Variants in ATP10B observed in about 807,000 individuals in gnomAD.
ATP10B encodes the protein ATPase phospholipid transporting 10B (putative).
A neutral mutation model predicts 141.2 loss-of-function variants in ATP10B; 122 were observed. The ratio of observed to expected loss-of-function variants is 0.86; its 90% CI spans 0.75 to 1.00. The LOEUF is 1.00. Ranked by LOEUF, ATP10B falls within the 50% of genes least tolerant of loss-of-function variation. The probability of loss-of-function intolerance (pLI) is 0.00; values close to 1 mark genes in which losing one functional copy is unlikely to be tolerated. For synonymous variants in ATP10B, 685 were observed against 692.0 expected (o/e 0.99, Z 0.16); for missense variants, 1,876 against 1,825.3 (o/e 1.03, Z -0.51).
chr5:160,918,689 G>C, the ATP10B span, among the ~76,000 whole-genome samples: 5 of 152,188 alleles, frequency 3.3e-5, no homozygotes, highest in Non-Finnish European at 7.3e-5. Flanking sequence ...GAGAGGTTGG[G>C]TTGGATCATC....
At chr5:160,592,438 G>A (rs570250519) in intron 22 of ATP10B, among the ~76,000 whole-genome samples, 2 of 152,312 alleles carry the variant, frequency 1.3e-5, no homozygotes, top group East Asian at 3.9e-4. Flanking sequence ...GGGCAGCCAA[G>A]ATGGCCAAAT....
chr5:160,925,805 T>C, the ATP10B span, among the ~76,000 whole-genome samples: 4 of 152,360 alleles, frequency 2.6e-5, no homozygotes, highest in African/African-American at 7.2e-5. Flanking sequence ...GCCATGAAAT[T>C]AGGAAAATAG....
chr5:160,926,088 T>C, the ATP10B span, among the ~76,000 whole-genome samples: 1 of 152,356 alleles, frequency 6.6e-6, no homozygotes, highest in Non-Finnish European at 1.5e-5. Context: ...TACCACCTGG[T>C]GACCTTGGAA....
chr5:160,629,793 G>A (rs1758817289), intron 13 of ATP10B, among the ~76,000 whole-genome samples: 1 of 152,192 alleles, frequency 6.6e-6, no homozygotes, highest in African/African-American at 2.4e-5. Flanking sequence ...CACAGAGCTA[G>A]TACATGGGGT....
At chr5:160,745,134 T>G (rs1476119909) in intron 2 of ATP10B, among the ~76,000 whole-genome samples, 1 of 152,278 alleles carries the variant, frequency 6.6e-6, no homozygotes, top group South Asian at 2.1e-4. Context: ...TTGCTGCTGC[T>G]ATTATTACCA....
intron 10 of ATP10B, 50 bp downstream of exon 10, chr5:160,640,410 GC>G (rs1759750316): frequency 6.3e-7 from 1 of 1,584,740 alleles, no homozygotes; most frequent in Admixed American, 1.7e-5. Flanking sequence ...GAAGAAACTT[GC>G]CCAAATAAAT....
intron 10 of ATP10B, among the ~76,000 whole-genome samples, chr5:160,639,922 G>A (rs912292869): frequency 9.2e-5 from 14 of 152,214 alleles, no homozygotes; most frequent in Non-Finnish European, 1.5e-4. Flanking sequence ...AGATCATCAA[G>A]CATTTGATTC....
intron 1 of ATP10B, among the ~76,000 whole-genome samples, chr5:160,832,284 T>C (rs147516423): frequency 6.6e-6 from 1 of 152,282 alleles, no homozygotes; most frequent in East Asian, 1.9e-4. Flanking sequence ...ACAGTATTTG[T>C]AGTATTATGT....
At chr5:160,821,960 T>G (rs1198215169) in intron 1 of ATP10B, among the ~76,000 whole-genome samples, 1 of 152,162 alleles carries the variant, frequency 6.6e-6, no homozygotes, top group African/African-American at 2.4e-5. Flanking sequence ...GGCAAAGGTT[T>G]CTTGAATAAT....
At chr5:160,705,698 T>C (rs1201963426) in intron 3 of ATP10B, among the ~76,000 whole-genome samples, 4 of 152,232 alleles carry the variant, frequency 2.6e-5, no homozygotes, top group African/African-American at 9.6e-5. Context: ...TCTATAAAAC[T>C]TTCTTCATAT....
At chr5:160,589,504 T>A (rs1037411135) in intron 24 of ATP10B, 88 bp downstream of exon 24, 1 of 1,019,402 alleles carries the variant, frequency 9.8e-7, no homozygotes, top group Non-Finnish European at 1.5e-6. Context: ...AGTGGATTGA[T>A]AACACAGAAT....
chr5:160,755,515 A>T (rs1209187627), intron 2 of ATP10B, among the ~76,000 whole-genome samples: 1 of 151,858 alleles, frequency 6.6e-6, no homozygotes, highest in Non-Finnish European at 1.5e-5. Flanking sequence ...TAATCTAAAC[A>T]TGTAAAATAT....
chr5:160,783,921 G>A (rs1328631084), intron 2 of ATP10B, among the ~76,000 whole-genome samples: 6 of 151,936 alleles, frequency 3.9e-5, no homozygotes, highest in African/African-American at 2.4e-5. Flanking sequence ...TTTGATTATG[G>A]CCATTCTTGC....
intron 3 of ATP10B, among the ~76,000 whole-genome samples, chr5:160,706,462 G>T (rs1355924150): frequency 6.6e-6 from 1 of 152,154 alleles, no homozygotes; most frequent in African/African-American, 2.4e-5. Context: ...GCTTAAGGTT[G>T]CAAGAATAGT....
the ATP10B span, among the ~76,000 whole-genome samples, chr5:160,886,816 T>C: frequency 1.4e-4 from 21 of 152,270 alleles, no homozygotes; most frequent in African/African-American, 3.6e-4. Flanking sequence ...CCATATAAGA[T>C]AGAGACTATG....
At chr5:160,812,050 GAGAGA>G (rs1233471919) in intron 1 of ATP10B, among the ~76,000 whole-genome samples, 12 of 151,132 alleles carry the variant, frequency 7.9e-5, no homozygotes, top group African/African-American at 3.0e-4. Context: ...GAGAGAGAGA[GAGAGA>G]GAGAGGGAGA....
chr5:160,865,538 C>A, the ATP10B span, among the ~76,000 whole-genome samples: 23 of 152,046 alleles, frequency 1.5e-4, no homozygotes, highest in South Asian at 4.6e-3. Flanking sequence ...ACTAAGAACC[C>A]AAAATCAAAT....
Position 160,670,457 on chromosome 5 carries a change from C to A in ATP10B, c.675+6G>T, listed in dbSNP as rs774329897. ...TTACCATTGAAGATATTAGAAAGAG[C>A]CCTACCTGCTGTGAGAAGCCCTTCA... On this transcript the variant is annotated splice_donor_region_variant and intron_variant, in intron 7 of 25. Transcript: ENST00000327245. 2.5e-5 allele frequency: 40 copies of A among 1,613,634 alleles called. No individual in the cohort carries two copies. The highest frequency in any genetic ancestry group is 3.3e-5 in the Non-Finnish European group (39 of 1,179,778).
intron 2 of ATP10B, among the ~76,000 whole-genome samples, chr5:160,777,781 G>C (rs1164543101): frequency 6.6e-6 from 1 of 152,138 alleles, no homozygotes; most frequent in Non-Finnish European, 1.5e-5. Context: ...GTATATAAAA[G>C]GAAAAGATTT....
Sources: gnomAD v4.1 joint callset for allele counts (sites outside exome capture counted in the v4.1 genomes callset) on GRCh38, gnomAD v4.1.1 for gene constraint, MANE v1.5 for transcripts, NCBI Gene and HGNC (gene_info 2026-07-23, HGNC 2026-07-21) for gene names.